Variants in IFT80 observed in about 807,000 individuals in gnomAD.
The protein encoded by IFT80 is intraflagellar transport protein 80 homolog.
IFT80 carries 79 observed loss-of-function variants against 107.9 expected under a neutral mutation model. The observed-to-expected ratio is 0.73, with a 90% CI of 0.61 to 0.88. The LOEUF (loss-of-function observed/expected upper bound fraction) is 0.88, where lower values mean the gene tolerates loss of function less well. Ranked by LOEUF, IFT80 falls within the 40% of genes least tolerant of loss-of-function variation. IFT80 has a pLI of 0.00. For missense variants in IFT80, 797 were observed against 914.2 expected (o/e 0.87, Z 1.65); for synonymous variants, 299 against 300.9 (o/e 0.99, Z 0.07).
At chr3:160,305,800 A>G (rs949854163) in intron 10 of IFT80, among the ~76,000 whole-genome samples, 2 of 152,184 alleles carry the variant, frequency 1.3e-5, no homozygotes, top group Non-Finnish European at 2.9e-5. Flanking sequence ...ACTAAAAAAT[A>G]GCCAACAGTT....
intron 12 of IFT80, among the ~76,000 whole-genome samples, chr3:160,295,598 CA>C (rs112977255): frequency 1.8e-4 from 26 of 142,540 alleles, no homozygotes; most frequent in Non-Finnish European, 1.5e-4. Context: ...GACCCCATCT[CA>C]AAAAAAAAAA....
At chr3:160,299,273 G>C in intron 12 of IFT80, 1 of 1,155,324 alleles carries the variant, frequency 8.7e-7, no homozygotes, top group Non-Finnish European at 1.1e-6. Context: ...CTCAGAGAAG[G>C]CCTAAATGAA....
At chr3:160,304,053 G>T in intron 10 of IFT80, 64 bp from the exon 11 acceptor site, 1 of 1,046,820 alleles carries the variant, frequency 9.6e-7, no homozygotes, top group Non-Finnish European at 1.5e-6. Flanking sequence ...TAAATAAGTA[G>T]ATTGGTATTC....
At position 160,381,266 on chromosome 3, in the gene IFT80, T is replaced by TATA. The variant is rs1553766638; in HGVS notation, c.259+236_259+237insTAT. Among the ~76,000 whole-genome samples the TATA allele has an allele frequency of 2.5e-4, 18 of 70,676 alleles. 2 individuals carry two copies. Among genetic ancestry groups the TATA allele is most frequent in the Middle Eastern group, 0.014 (2 of 148 alleles). 46.4% of individuals were successfully genotyped at this position (70,676 alleles called of 152,430 possible). ...TATATATATATATATATATATATAT[T>TATA]AAAGCCAAAGACCCATATTCAATCC... On this transcript the variant is annotated intron_variant, in intron 3 of 19. Coordinates refer to ENST00000326448, the MANE Select transcript of IFT80 (RefSeq NM_020800.3).
Position 160,319,764 on chromosome 3 carries a change from A to C in IFT80, c.953T>G (p.Met318Arg). Residue 318 changes from methionine to arginine, a missense_variant, in exon 9 of 20, where the codon ATG becomes AGG. Transcript: ENST00000326448. Reference sequence around the variant, plus strand: ...AACCTTGGAACATAATAATACCTGCATGGCTCTTCTTTTCGTTAATGTTAC... The same window carrying C: ...AACCTTGGAACATAATAATACCTGCCTGGCTCTTCTTTTCGTTAATGTTAC... Reference protein sequence around the residue: ...FQVTLTKRRAMQVRNVLNDAV... With the variant: ...FQVTLTKRRARQVRNVLNDAV... The C allele has an allele frequency of 4.3e-6, 7 of 1,612,578 alleles. No individual in the cohort carries two copies. Among genetic ancestry groups the C allele is most frequent in the Non-Finnish European group, 5.1e-6 (6 of 1,178,882 alleles).
intron 10 of IFT80, among the ~76,000 whole-genome samples, chr3:160,306,998 A>T (rs989934845): frequency 1.1e-4 from 16 of 152,300 alleles, no homozygotes; most frequent in Non-Finnish European, 1.8e-4. Flanking sequence ...CAAAATTTTT[A>T]AAAAATCCTT....
chr3:160,293,762 G>GTAC (rs1274679543), intron 12 of IFT80, among the ~76,000 whole-genome samples: 1 of 152,174 alleles, frequency 6.6e-6, no homozygotes, highest in East Asian at 1.9e-4. Context: ...AGAGGGTTGA[G>GTAC]TACTTTCAGC....
At chr3:160,396,080 T>A (rs1713758515) in intron 1 of IFT80, among the ~76,000 whole-genome samples, 1 of 152,040 alleles carries the variant, frequency 6.6e-6, no homozygotes, top group South Asian at 2.1e-4. Flanking sequence ...CTACCTCTAC[T>A]GCTTGTTGAA....
chr3:160,311,288 A>G (rs1717229170), intron 9 of IFT80, among the ~76,000 whole-genome samples: 1 of 152,252 alleles, frequency 6.6e-6, no homozygotes, highest in Admixed American at 6.5e-5. Context: ...TTCAGATTTA[A>G]AAAGACTTAA....
chr3:160,366,929 C>A (rs771281805), intron 5 of IFT80, among the ~76,000 whole-genome samples: 2 of 152,054 alleles, frequency 1.3e-5, no homozygotes, highest in Non-Finnish European at 2.9e-5. Flanking sequence ...AACCCCCTCA[C>A]TACCTTTCCC....
intron 19 of IFT80, among the ~76,000 whole-genome samples, chr3:160,266,677 C>T (rs1408858020): frequency 6.6e-6 from 1 of 152,184 alleles, no homozygotes; most frequent in Non-Finnish European, 1.5e-5. Flanking sequence ...AGCCACCACA[C>T]CTGATCAGAA....
chr3:160,277,408 A>G lies in IFT80; in HGVS notation c.1997T>C (p.Leu666Pro), dbSNP rs754345105. 5.6e-6 allele frequency: 9 copies of G among 1,611,210 alleles called. No individual in the cohort carries two copies. Among genetic ancestry groups the G allele is most frequent in the Non-Finnish European group, 7.6e-6 (9 of 1,177,574 alleles). Reference protein sequence around the residue: ...PSKESKMAHILLFSGNIQEAE... With the variant: ...PSKESKMAHIPLFSGNIQEAE... ...CTCCTGTATGTTCCCACTAAACAGT[A>G]GTATGTGGGCCATTTTTGATTCTTT... Residue 666 changes from leucine (L) to proline (P), a missense_variant, in exon 18 of 20, where the codon CTA (leucine) becomes CCA (proline). By Grantham distance (98) the Leu-to-Pro change is moderately conservative (BLOSUM62 -3). Transcript: ENST00000326448.
At position 160,391,097 on chromosome 3, in the gene IFT80, T is replaced by C. The variant is rs1234017205; in HGVS notation, c.-46-6451A>G. Among the ~76,000 whole-genome samples the C allele has an allele frequency of 2.6e-5, 4 of 152,224 alleles. No homozygotes were observed. The East Asian group carries it at 7.7e-4, about 29-fold the overall frequency. On this transcript the variant is annotated intron_variant, in intron 1 of 19. Transcript: ENST00000326448. ...CAGAAGTGCCTATGAGCTGCTCCTC[T>C]GGGCACACTACCTATGGGGTAGCCC...
chr3:160,289,676 G>C (rs1455641372), intron 12 of IFT80, among the ~76,000 whole-genome samples: 1 of 152,090 alleles, frequency 6.6e-6, no homozygotes, highest in Non-Finnish European at 1.5e-5. Context: ...TCTTAGTTTG[G>C]AAGAATTTGG....
intron 8 of IFT80, among the ~76,000 whole-genome samples, chr3:160,328,461 CAAAAAAA>C (rs1236379581): frequency 6.3e-5 from 3 of 47,902 alleles, no homozygotes; most frequent in Admixed American, 5.0e-4. Context: ...GACTCCATCT[CAAAAAAA>C]AAAAAAAAAA....
At chr3:160,351,029 A>AT (rs1720660498) in intron 8 of IFT80, among the ~76,000 whole-genome samples, 1 of 151,982 alleles carries the variant, frequency 6.6e-6, no homozygotes, top group Non-Finnish European at 1.5e-5. Flanking sequence ...GAAAATGTAC[A>AT]TTTTTTAAAT....
chr3:160,311,384 A>G (rs1481528546), intron 9 of IFT80, among the ~76,000 whole-genome samples: 1 of 152,234 alleles, frequency 6.6e-6, no homozygotes, highest in African/African-American at 2.4e-5. Flanking sequence ...AATTGGAGAA[A>G]TGTGATCTGT....
Position 160,312,842 on chromosome 3 carries a change from G to A in IFT80, c.958-5061C>T, listed in dbSNP as rs187481910. On this transcript the variant is annotated intron_variant, in intron 9 of 19. Coordinates refer to ENST00000326448, the MANE Select transcript of IFT80 (RefSeq NM_020800.3). Reference sequence around the variant, plus strand: ...AATATATAATATATATATAATAAATGTATATTATATATAAATATATAATAT... The same window carrying A: ...AATATATAATATATATATAATAAATATATATTATATATAAATATATAATAT... Among the ~76,000 whole-genome samples the A allele has an allele frequency of 6.8e-4, 17 of 25,112 alleles. 1 individual carries two copies. The highest frequency in any genetic ancestry group is 8.8e-4 in the Non-Finnish European group (13 of 14,790). 16.5% of individuals were successfully genotyped at this position (25,112 alleles called of 152,430 possible). A position where few individuals can be genotyped will look rare whatever the true frequency, so the allele number is the denominator to read the frequency against.
chr3:160,342,021 G>C (rs1231082117), intron 8 of IFT80, among the ~76,000 whole-genome samples: 1 of 152,032 alleles, frequency 6.6e-6, no homozygotes, highest in African/African-American at 2.4e-5. Context: ...CTCACTTCTG[G>C]CATACCACTG....
Sources: allele counts gnomAD v4.1 joint callset (sites outside exome capture counted in the v4.1 genomes callset), GRCh38; gene constraint gnomAD v4.1.1; transcripts MANE v1.5; gene names NCBI Gene and HGNC (gene_info 2026-07-23, HGNC 2026-07-21).